CRYBA4: variants seen among roughly 807,000 people sequenced by gnomAD.
The protein encoded by CRYBA4 is beta-crystallin A4.
CRYBA4 carries 30 observed loss-of-function variants against 31.7 expected under a neutral mutation model. That is an observed-to-expected ratio of 0.95 (90% CI 0.71 to 1.28). The LOEUF (loss-of-function observed/expected upper bound fraction) is 1.28. Ranked by LOEUF, CRYBA4 falls within the 50% of genes most tolerant of loss-of-function variation. The pLI is 0.00. For synonymous variants in CRYBA4, 102 were observed against 102.3 expected, an observed-to-expected ratio of 1.00 and a Z score of 0.02; for missense variants, 225 against 260.7, an observed-to-expected ratio of 0.86 and a Z score of 0.94.
the CRYBA4 span, among the ~76,000 whole-genome samples, chr22:26,593,524 T>TTTTA: frequency 1.3e-5 from 2 of 152,046 alleles, no homozygotes. Flanking sequence ...TTTATTTTTA[T>TTTTA]TTTATTTATT....
In CRYBA4 at chr22:26,630,456, A is replaced by G. The variant is rs1379243498; in HGVS notation, c.560A>G (p.Gln187Arg). The change falls in exon 6 of 6, where the codon CAG becomes CGG. Residue 187 changes from glutamine to arginine, a missense_variant. Physicochemically the swap from Gln to Arg is conservative, Grantham distance 43. Coordinates refer to ENST00000354760, the MANE Select transcript of CRYBA4 (RefSeq NM_001886.3). ...REWGSHAPTF[Q>R]VQSIRRIQQ ...TGGGGCTCTCATGCCCCGACCTTCCAGGTGCAGAGCATCCGCAGGATCCAG... is the reference window on the plus strand; with the variant it reads ...TGGGGCTCTCATGCCCCGACCTTCCGGGTGCAGAGCATCCGCAGGATCCAG... The G allele has an allele frequency of 6.2e-7, 1 of 1,614,032 alleles. No homozygotes were observed.
rs754805045 is a variant in CRYBA4 at position 26,628,326 on chromosome 22, G to T, written c.339G>T (p.Glu113Asp). ...CGAGGCTGACAATCTTCGAGCAAGA[G>T]AACTTCCTGGGCAAGAAAGGAGAGC... ...RDSRLTIFEQ[E>D]NFLGKKGELS... Residue 113 changes from glutamate (E) to aspartate (D), a missense_variant, in exon 5 of 6, where the codon GAG becomes GAT. Coordinates refer to ENST00000354760, the MANE Select transcript of CRYBA4 (RefSeq NM_001886.3). The T allele has an allele frequency of 3.7e-6, 6 of 1,614,046 alleles. No individual in the cohort carries two copies. Among genetic ancestry groups the T allele is most frequent in the Non-Finnish European group, 5.1e-6 (6 of 1,180,010 alleles).
chr22:26,608,958 T>C, the CRYBA4 span, among the ~76,000 whole-genome samples: 24 of 152,254 alleles, frequency 1.6e-4, no homozygotes, highest in African/African-American at 5.8e-4. Flanking sequence ...CCAGTGAAGA[T>C]TGATTAAGGA....
At chr22:26,620,662 C>T (rs1040955935), upstream of CRYBA4, among the ~76,000 whole-genome samples, 1 of 145,242 alleles carries the variant, frequency 6.9e-6, no homozygotes, top group African/African-American at 2.6e-5. Flanking sequence ...CCTCCAGGTT[C>T]AAGCAATTCT....
At chr22:26,601,869 G>A in the CRYBA4 span, 7 of 1,611,714 alleles carry the variant, frequency 4.3e-6, no homozygotes, top group African/African-American at 9.4e-5. Context: ...CTGGCAGGAG[G>A]GATGCTTACG....
chr22:26,604,010 A>T, the CRYBA4 span, among the ~76,000 whole-genome samples: 14 of 152,232 alleles, frequency 9.2e-5, no homozygotes, highest in Admixed American at 4.6e-4. Context: ...TAATGCTTTC[A>T]TGACCCTGTA....
chr22:26,620,921 C>G (rs1929512281), upstream of CRYBA4, among the ~76,000 whole-genome samples: 1 of 152,136 alleles, frequency 6.6e-6, no homozygotes, highest in Non-Finnish European at 1.5e-5. Flanking sequence ...CTGGTGTGGC[C>G]ACTTTACAGG....
chr22:26,605,804 G>A, the CRYBA4 span, among the ~76,000 whole-genome samples: 9 of 151,764 alleles, frequency 5.9e-5, no homozygotes, highest in East Asian at 7.7e-4. Context: ...ACAGGGGGCT[G>A]GAAAGGAGTC....
the CRYBA4 span, among the ~76,000 whole-genome samples, chr22:26,612,608 T>C: frequency 1.1e-4 from 17 of 152,210 alleles, no homozygotes; most frequent in Non-Finnish European, 2.4e-4. Flanking sequence ...CTGCCTTGGC[T>C]TCCCAAAGTG....
the CRYBA4 span, chr22:26,616,265 G>A: frequency 2.5e-6 from 4 of 1,613,976 alleles, no homozygotes; most frequent in Non-Finnish European, 3.4e-6. Context: ...TTGGTGTCAG[G>A]CCCTGGGTTC....
chr22:26,625,480 G>A lies in CRYBA4; in HGVS notation c.159-1G>A, dbSNP rs1929674127. 1 of 1,613,772 alleles carries A rather than the reference G, an allele frequency of 6.2e-7. No homozygotes were observed. Among genetic ancestry groups the A allele is most frequent in the Admixed American group, 1.7e-5 (1 of 59,988 alleles). ...CTGCACACTCTACCCTCTGTCTGCA[G>A]GTGGGTGGGCTTTGAGCATGCTGGC... On this transcript the variant is annotated splice_acceptor_variant, in intron 3 of 5. Transcript: ENST00000354760. LOFTEE classifies it high-confidence loss of function.
chr22:26,593,233 A>G, the CRYBA4 span, among the ~76,000 whole-genome samples: 1 of 152,240 alleles, frequency 6.6e-6, no homozygotes, highest in Non-Finnish European at 1.5e-5. Flanking sequence ...TATCAAAAGC[A>G]GGAAGAATAT....
the CRYBA4 span, among the ~76,000 whole-genome samples, chr22:26,604,718 G>A: frequency 6.6e-6 from 1 of 152,252 alleles, no homozygotes; most frequent in Non-Finnish European, 1.5e-5. Context: ...CAAGTGCAAG[G>A]TGCCAGGCAG....
At chr22:26,603,794 C>G in the CRYBA4 span, among the ~76,000 whole-genome samples, 1 of 149,542 alleles carries the variant, frequency 6.7e-6, no homozygotes. Flanking sequence ...CGTGGTGGCA[C>G]GCACCTGTAG....
the CRYBA4 span, among the ~76,000 whole-genome samples, chr22:26,592,978 C>T: frequency 2.0e-5 from 3 of 152,188 alleles, no homozygotes; most frequent in Non-Finnish European, 4.4e-5. Context: ...GCTCAGTGAA[C>T]CTTTCCAGGT....
At chr22:26,627,227 C>A (rs560227919) in intron 4 of CRYBA4, among the ~76,000 whole-genome samples, 5 of 152,020 alleles carry the variant, frequency 3.3e-5, no homozygotes, top group Admixed American at 2.0e-4. Context: ...TCCTGTCTAA[C>A]CTCAGTCAGT....
At chr22:26,610,280 G>C in the CRYBA4 span, among the ~76,000 whole-genome samples, 1 of 152,162 alleles carries the variant, frequency 6.6e-6, no homozygotes, top group Non-Finnish European at 1.5e-5. Context: ...TCAGGCTGCA[G>C]TCTCCTGGGT....
At chr22:26,607,914 A>G in the CRYBA4 span, 1 of 1,614,208 alleles carries the variant, frequency 6.2e-7, no homozygotes, top group South Asian at 1.1e-5. Flanking sequence ...GAAGGACATG[A>G]GCCGATCACT....
chr22:26,604,165 C>A, the CRYBA4 span, among the ~76,000 whole-genome samples: 1 of 152,114 alleles, frequency 6.6e-6, no homozygotes, highest in Non-Finnish European at 1.5e-5. Context: ...ACCTCAGTGT[C>A]TAGGTTCAAA....
Sources: allele counts gnomAD v4.1 joint callset (sites outside exome capture counted in the v4.1 genomes callset), GRCh38; gene constraint gnomAD v4.1.1; transcripts MANE v1.5; gene names NCBI Gene and HGNC (gene_info 2026-07-23, HGNC 2026-07-21).